Variants in ACO1 observed in about 807,000 individuals in gnomAD.
ACO1 encodes cytoplasmic aconitate hydratase.
A neutral mutation model predicts 105.1 loss-of-function variants in ACO1; 78 were observed. That is an observed-to-expected ratio of 0.74 (90% CI 0.62 to 0.90). ACO1 has a LOEUF of 0.90. Ranked by LOEUF, ACO1 falls within the 40% of genes least tolerant of loss-of-function variation. ACO1 has a pLI of 0.00. For synonymous variants in ACO1, 364 were observed against 397.4 expected (o/e 0.92, Z 1.00); for missense variants, 965 against 1,111.1 (o/e 0.87, Z 1.87).
In ACO1 at chr9:32,452,834, T is replaced by C. The variant is rs979298236; in HGVS notation, c.*2723T>C. 1 of 151,898 alleles carries C rather than the reference T, an allele frequency of 6.6e-6. No homozygotes were observed. The highest frequency in any genetic ancestry group is 2.4e-5 in the African/African-American group (1 of 41,332). 9.4% of individuals were successfully genotyped at this position (151,898 alleles called of 1,614,324 possible). On this transcript the variant is annotated 3_prime_UTR_variant, in exon 21 of 21. Coordinates refer to ENST00000309951, the MANE Select transcript of ACO1 (RefSeq NM_002197.3). The stretch of plus-strand genomic sequence containing the variant: ...ATAAATAAAATAAATCAGCCAGGTG[T>C]GCACCTGTGGTCCCAGCTGTTCAGG...
At chr9:32,432,673 CAGAG>C (rs1002010931) in intron 15 of ACO1, among the ~76,000 whole-genome samples, 9 of 152,204 alleles carry the variant, frequency 5.9e-5, no homozygotes, top group African/African-American at 1.9e-4. Context: ...CCAAAACACT[CAGAG>C]AGTAATTTCC....
Position 32,416,016 on chromosome 9 carries a change from C to T in ACO1, c.405-2112C>T, listed in dbSNP as rs535812725. On this transcript the variant is annotated intron_variant, in intron 4 of 20. Transcript: ENST00000309951. Reference sequence around the variant, plus strand: ...TAGGCAGTCTCAGGAATTGATCCTACCTATTAAAGCAACCAACACTTGTCT... The same window carrying T: ...TAGGCAGTCTCAGGAATTGATCCTATCTATTAAAGCAACCAACACTTGTCT... Among the ~76,000 whole-genome samples, 14 of 152,110 alleles carry T rather than the reference C, an allele frequency of 9.2e-5. No homozygotes were observed. The South Asian group carries it at 2.9e-3, about 32-fold the overall frequency.
At chr9:32,414,921 C>T (rs1821816242) in intron 4 of ACO1, among the ~76,000 whole-genome samples, 1 of 152,126 alleles carries the variant, frequency 6.6e-6, no homozygotes, top group African/African-American at 2.4e-5. Flanking sequence ...ACACAGCTTT[C>T]ATGCAGTTGA....
chr9:32,404,008 T>G (rs1821553189), intron 1 of ACO1, among the ~76,000 whole-genome samples: 1 of 152,214 alleles, frequency 6.6e-6, no homozygotes, highest in East Asian at 1.9e-4. Flanking sequence ...ATTATTAGTT[T>G]CATTTTCTGA....
At chr9:32,424,083 T>C (rs58151331) in intron 9 of ACO1, among the ~76,000 whole-genome samples, 462 of 152,270 alleles carry the variant, frequency 3.0e-3, no homozygotes, top group Admixed American at 6.7e-3. Flanking sequence ...TCTTAATACA[T>C]TGAGGAGGGG....
chr9:32,403,657 T>C (rs1821546007), intron 1 of ACO1, among the ~76,000 whole-genome samples: 1 of 152,194 alleles, frequency 6.6e-6, no homozygotes, highest in Non-Finnish European at 1.5e-5. Flanking sequence ...TAACAACTGG[T>C]TTAATCCAAA....
At chr9:32,440,353 C>T (rs949189682) in intron 18 of ACO1, 112 bp from the exon 19 acceptor site, 23 of 1,091,412 alleles carry the variant, frequency 2.1e-5, no homozygotes, top group African/African-American at 9.5e-5. Flanking sequence ...GATGATTGGA[C>T]GGATTTGGCC....
At chr9:32,413,509 A>C (rs1821786945) in intron 4 of ACO1, among the ~76,000 whole-genome samples, 1 of 151,460 alleles carries the variant, frequency 6.6e-6, no homozygotes, top group Non-Finnish European at 1.5e-5. Context: ...AAAATCTTTT[A>C]GAAGTGTTTT....
intron 1 of ACO1, among the ~76,000 whole-genome samples, chr9:32,401,196 C>T (rs1821488202): frequency 6.6e-6 from 1 of 152,102 alleles, no homozygotes; most frequent in Non-Finnish European, 1.5e-5. Flanking sequence ...CAAAGTTTAG[C>T]TGTCAGTTCT....
intron 1 of ACO1, among the ~76,000 whole-genome samples, chr9:32,401,877 T>G (rs1821503248): frequency 6.6e-6 from 1 of 152,244 alleles, no homozygotes; most frequent in East Asian, 1.9e-4. Context: ...AGTGTACCTG[T>G]GCTAATCATA....
intron 4 of ACO1, 61 bp downstream of exon 4, chr9:32,408,712 C>T: frequency 1.3e-6 from 2 of 1,571,806 alleles, no homozygotes; most frequent in South Asian, 2.3e-5. Flanking sequence ...GAACACGAAT[C>T]TTTTTAAAAT....
intron 1 of ACO1, among the ~76,000 whole-genome samples, chr9:32,396,819 A>T (rs1374885593): frequency 6.6e-6 from 1 of 152,198 alleles, no homozygotes; most frequent in Admixed American, 6.5e-5. Context: ...AGTTCCTGGC[A>T]TGTAATAGAC....
chr9:32,425,655 G>C (rs1324694321), intron 10 of ACO1, among the ~76,000 whole-genome samples, 183 bp from the exon 11 acceptor site: 2 of 152,144 alleles, frequency 1.3e-5, no homozygotes, highest in Non-Finnish European at 2.9e-5. Context: ...TAGCATTTCA[G>C]AGTTTACTTG....
At chr9:32,393,164 C>T (rs912059621) in intron 1 of ACO1, among the ~76,000 whole-genome samples, 2 of 151,986 alleles carry the variant, frequency 1.3e-5, no homozygotes, top group Admixed American at 6.5e-5. Context: ...GCCGGTGAGC[C>T]GGGGGGGAAA....
intron 1 of ACO1, among the ~76,000 whole-genome samples, chr9:32,385,365 A>G (rs992359754): frequency 6.6e-6 from 1 of 152,148 alleles, no homozygotes; most frequent in Non-Finnish European, 1.5e-5. Context: ...CTGGGGGACA[A>G]CCTCTAGGAC....
Position 32,436,465 on chromosome 9 carries a change from C to G in ACO1, c.2247+68C>G, listed in dbSNP as rs1269607113. 3 of 1,577,078 alleles carry G rather than the reference C, an allele frequency of 1.9e-6. No individual in the cohort carries two copies. The African/African-American group carries it at 4.0e-5, about 21-fold the overall frequency. On this transcript the variant is annotated intron_variant, in intron 18 of 20. Coordinates refer to ENST00000309951, the MANE Select transcript of ACO1 (RefSeq NM_002197.3). ...AGCCTTGGTGGAGGTTGGATATTTACAGTTACTCGCCTTTTGGTTTTAGTT... is the reference window on the plus strand; with the variant it reads ...AGCCTTGGTGGAGGTTGGATATTTAGAGTTACTCGCCTTTTGGTTTTAGTT...
intron 1 of ACO1, among the ~76,000 whole-genome samples, chr9:32,393,092 G>A (rs1260808114): frequency 6.6e-6 from 1 of 152,114 alleles, no homozygotes; most frequent in South Asian, 2.1e-4. Context: ...TGGGCTGCTT[G>A]AAAAAAGAAC....
chr9:32,448,084 C>T, intron 19 of ACO1, among the ~76,000 whole-genome samples: 1 of 152,252 alleles, frequency 6.6e-6, no homozygotes, highest in South Asian at 2.1e-4. Context: ...CTGGGAGGAC[C>T]ACTACTCTAT....
intron 1 of ACO1, among the ~76,000 whole-genome samples, chr9:32,405,149 G>C (rs538977492): frequency 6.6e-6 from 1 of 152,164 alleles, no homozygotes; most frequent in Non-Finnish European, 1.5e-5. Context: ...AAACAGCCTG[G>C]CTGTCTCCTC....
Sources: gnomAD v4.1 joint callset for allele counts (sites outside exome capture counted in the v4.1 genomes callset) on GRCh38, gnomAD v4.1.1 for gene constraint, MANE v1.5 for transcripts, NCBI Gene and HGNC (gene_info 2026-07-23, HGNC 2026-07-21) for gene names.